Variants in IPO11 observed in about 807,000 individuals in gnomAD.
IPO11 encodes importin 11, also known as importin-11.
A neutral mutation model predicts 143.2 loss-of-function variants in IPO11; 66 were observed. That is an observed-to-expected ratio of 0.46 (90% CI 0.38 to 0.57). The LOEUF is 0.57. Among genes scored for constraint, IPO11 ranks in the 20% least tolerant of loss-of-function variants. The pLI is 0.00. For synonymous variants in IPO11, 385 were observed against 377.8 expected (o/e 1.02, Z -0.22); for missense variants, 1,026 against 1,141.0 (o/e 0.90, Z 1.45).
intron 27 of IPO11, among the ~76,000 whole-genome samples, chr5:62,585,480 A>G (rs1002098159): frequency 5.3e-5 from 8 of 152,168 alleles, no homozygotes; most frequent in African/African-American, 1.9e-4. Context: ...TTAATCAAAG[A>G]TAGCCTGTGA....
intron 5 of IPO11, among the ~76,000 whole-genome samples, chr5:62,461,080 C>G (rs891891273): frequency 6.6e-6 from 1 of 152,102 alleles, no homozygotes; most frequent in African/African-American, 2.4e-5. Context: ...AAAAACTTTT[C>G]AAACACTTGT....
At position 62,627,972 on chromosome 5, in the gene IPO11, G is replaced by C. The variant is rs900699582; in HGVS notation, c.*654G>C. ...TTTTTTTTTCCAGTAAATACATTGG[G>C]TCTATAAATGTGCATTTGTAAGGGC... is the stretch of plus-strand genomic sequence containing the variant. On this transcript the variant is annotated 3_prime_UTR_variant, in exon 30 of 30. Coordinates refer to ENST00000325324, the MANE Select transcript of IPO11 (RefSeq NM_016338.5). 2.0e-5 allele frequency: 3 copies of C among 151,494 alleles called. No individual in the cohort carries two copies. The highest frequency in any genetic ancestry group is 7.3e-5 in the African/African-American group (3 of 41,204). The allele number at this position is 151,494 out of a possible 1,614,324, so 9.4% of individuals were successfully genotyped here.
intron 20 of IPO11, among the ~76,000 whole-genome samples, chr5:62,519,944 T>C (rs977661583): frequency 9.2e-5 from 14 of 152,206 alleles, no homozygotes; most frequent in African/African-American, 2.9e-4. Flanking sequence ...TGTTCCCAAG[T>C]CCAGCCACAT....
intron 5 of IPO11, among the ~76,000 whole-genome samples, chr5:62,453,986 A>G (rs113793943): frequency 6.6e-6 from 1 of 151,890 alleles, no homozygotes; most frequent in South Asian, 2.1e-4. Context: ...CAAAAAAAAA[A>G]TAGCCGGGCG....
chr5:62,574,607 T>C (rs1017568648), intron 27 of IPO11, among the ~76,000 whole-genome samples: 3 of 152,204 alleles, frequency 2.0e-5, no homozygotes, highest in African/African-American at 7.2e-5. Flanking sequence ...GCTAGCTTTT[T>C]CTAAGTTGAA....
rs1296699958 is a variant in IPO11, at chr5:62,515,417, A to C, written c.1812A>C (p.Gln604His). 1 of 1,610,840 alleles carries C rather than the reference A, an allele frequency of 6.2e-7. No homozygotes were observed. Among genetic ancestry groups the C allele is most frequent in the East Asian group, 2.2e-5 (1 of 44,654 alleles). Residue 604 changes from glutamine (Q) to histidine (H), a missense_variant, in exon 20 of 30, where the codon CAA becomes CAC. By Grantham distance (24) the Gln-to-His change is conservative. Transcript: ENST00000325324. ...GACCATATGTGGGATGTTTGGTACA[A>C]TATTTGCCCCTCCTTTGGAAGCAGA... ...QIRPYVGCLV[Q>H]YLPLLWKQSE...
chr5:62,415,422 CA>C (rs1308325756), intron 1 of IPO11, among the ~76,000 whole-genome samples: 1 of 151,194 alleles, frequency 6.6e-6, no homozygotes, highest in African/African-American at 2.4e-5. Context: ...CTTGGCCTCC[CA>C]AAGTGCTGGG....
intron 29 of IPO11, among the ~76,000 whole-genome samples, chr5:62,622,955 G>A (rs1746427220): frequency 6.6e-6 from 1 of 152,190 alleles, no homozygotes; most frequent in Non-Finnish European, 1.5e-5. Context: ...TTTACAGTGG[G>A]TATAGTTTGA....
chr5:62,443,108 C>CCTTG, intron 3 of IPO11, 25 bp downstream of exon 3: 1 of 1,425,526 alleles, frequency 7.0e-7, no homozygotes, highest in Non-Finnish European at 9.8e-7. Context: ...TTCCCCTATT[C>CCTTG]CTTGAGTATA....
intron 5 of IPO11, among the ~76,000 whole-genome samples, chr5:62,462,222 AAGG>A (rs1476745978): frequency 6.6e-6 from 1 of 152,214 alleles, no homozygotes; most frequent in African/African-American, 2.4e-5. Context: ...ATAAATAGAA[AAGG>A]AGATGATTTT....
intron 26 of IPO11, among the ~76,000 whole-genome samples, chr5:62,559,958 C>CTCTTAAT (rs1336005299): frequency 2.9e-5 from 4 of 138,230 alleles, no homozygotes; most frequent in Non-Finnish European, 4.7e-5. Context: ...AGAAAAACAA[C>CTCTTAAT]TCTTAATTTG....
chr5:62,535,978 G>T (rs1742719942), intron 22 of IPO11, among the ~76,000 whole-genome samples: 1 of 152,144 alleles, frequency 6.6e-6, no homozygotes, highest in African/African-American at 2.4e-5. Context: ...ATAGCACAGT[G>T]TCAACTTTTG....
intron 15 of IPO11, among the ~76,000 whole-genome samples, chr5:62,490,989 A>C (rs1016111243): frequency 6.6e-6 from 1 of 152,210 alleles, no homozygotes; most frequent in African/African-American, 2.4e-5. Context: ...TGAATGCATA[A>C]AATGAAAGGA....
intron 26 of IPO11, among the ~76,000 whole-genome samples, chr5:62,559,596 T>C (rs1743697726): frequency 6.6e-6 from 1 of 152,148 alleles, no homozygotes; most frequent in Non-Finnish European, 1.5e-5. Flanking sequence ...GTTTTTGTTT[T>C]TGTTTTTTTT....
intron 9 of IPO11, among the ~76,000 whole-genome samples, 174 bp downstream of exon 9, chr5:62,476,927 A>G (rs1057324164): frequency 6.6e-6 from 1 of 152,210 alleles, no homozygotes; most frequent in Non-Finnish European, 1.5e-5. Flanking sequence ...TGCATATAAT[A>G]ATTAAATTTA....
At position 62,494,114 on chromosome 5, in the gene IPO11, A is replaced by G. The variant is rs975947320; in HGVS notation, c.1580A>G (p.Gln527Arg). The change falls in exon 16 of 30, where the codon CAA (glutamine) becomes CGA (arginine). Residue 527 changes from glutamine (Q) to arginine (R), a missense_variant. This residue lies in a region of IPO11 where 237 missense variants were observed against 288.0 expected (regional missense o/e 0.82). Transcript: ENST00000325324. ...GCAATCTGTAACTTGCTTCAAGATC[A>G]AGATTTAGTGGTATGTTTCTTAAGT... ...YEAICNLLQDQDLVVRIETAT... is the reference protein window; with the variant it reads ...YEAICNLLQDRDLVVRIETAT... 10 of 1,610,730 alleles carry G rather than the reference A, an allele frequency of 6.2e-6. No homozygotes were observed. In the Admixed American group the frequency reaches 6.7e-5, roughly 11 times the overall value.
chr5:62,442,474 G>T (rs1193644877), intron 2 of IPO11, among the ~76,000 whole-genome samples: 1 of 152,158 alleles, frequency 6.6e-6, no homozygotes, highest in Non-Finnish European at 1.5e-5. Flanking sequence ...AACTGAGCAG[G>T]TGTACTTCTT....
intron 27 of IPO11, among the ~76,000 whole-genome samples, chr5:62,591,007 A>G (rs1363898655): frequency 6.6e-6 from 1 of 152,134 alleles, no homozygotes; most frequent in Admixed American, 6.5e-5. Flanking sequence ...ATCATATTGC[A>G]CTGCAGTCTT....
chr5:62,603,389 C>T (rs1186010009), intron 29 of IPO11, among the ~76,000 whole-genome samples: 2 of 152,200 alleles, frequency 1.3e-5, no homozygotes, highest in South Asian at 2.1e-4. Context: ...ACTTCAAAAA[C>T]GAACAAATCT....
Sources: gnomAD v4.1 joint callset for allele counts (sites outside exome capture counted in the v4.1 genomes callset) on GRCh38, gnomAD v4.1.1 for gene constraint, gnomAD v4.1.1 regional missense constraint, MANE v1.5 for transcripts, NCBI Gene and HGNC (gene_info 2026-07-23, HGNC 2026-07-21) for gene names.